AGBL1: variants seen among roughly 807,000 people sequenced by gnomAD.
AGBL1 encodes cytosolic carboxypeptidase 4.
AGBL1 carries 130 observed loss-of-function variants against 118.9 expected under a neutral mutation model. That is an observed-to-expected ratio of 1.09 (90% confidence interval 0.95 to 1.26). AGBL1 has a LOEUF of 1.26. Among genes scored for constraint, AGBL1 ranks in the 50% most tolerant of loss-of-function variants. AGBL1 has a pLI of 0.00. For missense variants in AGBL1, 1,584 were observed against 1,298.1 expected (o/e 1.22, Z -3.38); for synonymous variants, 555 against 478.9 (o/e 1.16, Z -2.08).
At chr15:86,564,611 C>T (rs565267683) in intron 21 of AGBL1, among the ~76,000 whole-genome samples, 18 of 152,054 alleles carry the variant, frequency 1.2e-4, no homozygotes, top group African/African-American at 3.1e-4. Context: ...TATGTGTCTT[C>T]GAGTTGCTCT....
rs2077899859 is a variant in AGBL1 at position 86,754,241 on chromosome 15, C to T, written c.3158+79805C>T. 4.6e-5 allele frequency among the ~76,000 whole-genome samples: 7 copies of T among 152,080 alleles called. No homozygotes were observed. The South Asian group carries it at 1.4e-3, about 31-fold the overall frequency. ...CGTGCTTACTCCAAGTTTGTGGAAGCATAGCCTTAATTAGTACTTGTGTTT... is the reference window on the plus strand; with the variant it reads ...CGTGCTTACTCCAAGTTTGTGGAAGTATAGCCTTAATTAGTACTTGTGTTT... On this transcript the variant is annotated intron_variant, in intron 22 of 22. Coordinates refer to ENST00000614907, the MANE Select transcript of AGBL1 (RefSeq NM_001386094.1).
At chr15:86,693,860 C>T (rs2086212902) in intron 22 of AGBL1, among the ~76,000 whole-genome samples, 1 of 152,036 alleles carries the variant, frequency 6.6e-6, no homozygotes, top group South Asian at 2.1e-4. Context: ...GTGTCCTTTC[C>T]CCACTTTATG....
At chr15:86,265,687 C>G (rs2079060821) in intron 11 of AGBL1, among the ~76,000 whole-genome samples, 1 of 152,176 alleles carries the variant, frequency 6.6e-6, no homozygotes, top group African/African-American at 2.4e-5. Flanking sequence ...TTTTGAGAAA[C>G]AGATCACAAG....
chr15:86,395,112 C>T (rs1267106437), intron 17 of AGBL1, among the ~76,000 whole-genome samples: 3 of 152,128 alleles, frequency 2.0e-5, no homozygotes, highest in East Asian at 3.9e-4. Context: ...CAGTGAGACA[C>T]TGACTCTATG....
At chr15:86,888,466 G>A (rs566379316) in intron 22 of AGBL1, among the ~76,000 whole-genome samples, 2 of 152,046 alleles carry the variant, frequency 1.3e-5, no homozygotes, top group South Asian at 2.1e-4. Context: ...TCACACTGTC[G>A]ATTCTTTGCG....
At chr15:86,403,099 G>A (rs562257095) in intron 18 of AGBL1, among the ~76,000 whole-genome samples, 13 of 152,084 alleles carry the variant, frequency 8.5e-5, no homozygotes, top group Non-Finnish European at 1.8e-4. Context: ...TGGGAAGTGG[G>A]GAGAAGACAG....
At chr15:86,852,180 G>A (rs1429102849) in intron 22 of AGBL1, among the ~76,000 whole-genome samples, 1 of 152,132 alleles carries the variant, frequency 6.6e-6, no homozygotes, top group East Asian at 1.9e-4. Context: ...TACAATCATG[G>A]TGGAAGGGGA....
intron 22 of AGBL1, among the ~76,000 whole-genome samples, chr15:86,718,745 G>C (rs912084391): frequency 2.6e-5 from 4 of 152,180 alleles, no homozygotes; most frequent in Non-Finnish European, 5.9e-5. Context: ...ATGTAGCCAG[G>C]AGGAGGCCAG....
At chr15:87,005,184 C>T (rs1053660872) in intron 24 of AGBL1, among the ~76,000 whole-genome samples, 16 of 152,070 alleles carry the variant, frequency 1.1e-4, no homozygotes, top group Non-Finnish European at 1.9e-4. Context: ...TTGCTCTTCT[C>T]GAGGAATATC....
At chr15:86,431,491 C>A (rs944234924) in intron 18 of AGBL1, among the ~76,000 whole-genome samples, 2 of 152,200 alleles carry the variant, frequency 1.3e-5, no homozygotes, top group Admixed American at 1.3e-4. Flanking sequence ...AGTATCCCAA[C>A]CTTTGCGCTA....
chr15:86,762,670 C>G (rs188857410), intron 22 of AGBL1, among the ~76,000 whole-genome samples: 8 of 152,084 alleles, frequency 5.3e-5, no homozygotes, highest in African/African-American at 1.9e-4. Context: ...GGACTGTATC[C>G]TAGCCCTGGT....
At chr15:86,182,064 T>G (rs899282631) in intron 5 of AGBL1, among the ~76,000 whole-genome samples, 3 of 151,954 alleles carry the variant, frequency 2.0e-5, no homozygotes, top group African/African-American at 7.2e-5. Context: ...AGAAGGGTTT[T>G]TTGAGCATAG....
intron 6 of AGBL1, among the ~76,000 whole-genome samples, chr15:86,225,687 C>T (rs1490519605): frequency 6.6e-6 from 1 of 152,076 alleles, no homozygotes; most frequent in Non-Finnish European, 1.5e-5. Flanking sequence ...TCATTTTTTC[C>T]TCCTTACCTC....
chr15:86,334,324 C>T (rs2080324712), intron 17 of AGBL1, among the ~76,000 whole-genome samples: 1 of 152,172 alleles, frequency 6.6e-6, no homozygotes, highest in African/African-American at 2.4e-5. Context: ...AGTAAAGTTT[C>T]AGGATACAAA....
At chr15:86,191,126 C>T (rs2077712071) in intron 5 of AGBL1, among the ~76,000 whole-genome samples, 1 of 151,672 alleles carries the variant, frequency 6.6e-6, no homozygotes, top group African/African-American at 2.4e-5. Context: ...GGGGGATCAC[C>T]TGAGGTCAGG....
At chr15:86,334,927 A>T (rs1044434580) in intron 17 of AGBL1, among the ~76,000 whole-genome samples, 3 of 152,232 alleles carry the variant, frequency 2.0e-5, no homozygotes, top group Admixed American at 2.0e-4. Flanking sequence ...ATCAACAGGC[A>T]TATTTAAGAA....
At chr15:86,968,960 C>G (rs565177137) in intron 23 of AGBL1, among the ~76,000 whole-genome samples, 4 of 151,812 alleles carry the variant, frequency 2.6e-5, no homozygotes, top group African/African-American at 9.7e-5. Flanking sequence ...ATAACCTTGT[C>G]GCCACACAAA....
At chr15:86,422,868 A>C (rs997747734) in intron 18 of AGBL1, among the ~76,000 whole-genome samples, 10 of 152,218 alleles carry the variant, frequency 6.6e-5, no homozygotes, top group African/African-American at 9.7e-5. Flanking sequence ...ATTCCTGGAC[A>C]CATACACACT....
intron 18 of AGBL1, among the ~76,000 whole-genome samples, chr15:86,408,502 A>G (rs922032248): frequency 3.3e-5 from 5 of 152,224 alleles, no homozygotes; most frequent in African/African-American, 1.2e-4. Flanking sequence ...GGGAGCTGAC[A>G]AAGGAGCTTA....
Sources: gnomAD v4.1 joint callset for allele counts (sites outside exome capture counted in the v4.1 genomes callset) on GRCh38, gnomAD v4.1.1 for gene constraint, MANE v1.5 for transcripts, NCBI Gene and HGNC (gene_info 2026-07-23, HGNC 2026-07-21) for gene names.